The following MARCHF1 variants were observed in gnomAD, a reference collection of about 807,000 sequenced individuals.
The protein encoded by MARCHF1 is membrane associated ring-CH-type finger 1, also known as E3 ubiquitin-protein ligase MARCHF1.
In MARCHF1, 40 loss-of-function variants were observed where a neutral mutation model predicts 54.2. The observed-to-expected ratio is 0.74, with a 90% CI of 0.57 to 0.96. MARCHF1 has a LOEUF of 0.96. Among genes scored for constraint, MARCHF1 ranks in the 40% least tolerant of loss-of-function variants. MARCHF1 has a pLI of 0.00. For synonymous variants in MARCHF1, 236 were observed against 236.3 expected (o/e 1.00, Z 0.01); for missense variants, 586 against 656.5 (o/e 0.89, Z 1.17).
intron 3 of MARCHF1, among the ~76,000 whole-genome samples, chr4:163,889,644 T>C (rs764724569): frequency 2.0e-5 from 3 of 152,098 alleles, no homozygotes; most frequent in African/African-American, 4.8e-5. Context: ...TGCCTGAACA[T>C]CTCCTGCTTA....
chr4:164,324,543 A>T (rs1735223177), intron 1 of MARCHF1, among the ~76,000 whole-genome samples: 1 of 151,578 alleles, frequency 6.6e-6, no homozygotes, highest in Non-Finnish European at 1.5e-5. Context: ...AAAAATCTCT[A>T]TACTCAATGT....
chr4:164,174,872 T>C (rs1161492373), intron 1 of MARCHF1, among the ~76,000 whole-genome samples: 1 of 152,188 alleles, frequency 6.6e-6, no homozygotes, highest in East Asian at 1.9e-4. Context: ...AATTAGCTAA[T>C]TGTTCATCAT....
intron 1 of MARCHF1, among the ~76,000 whole-genome samples, chr4:164,150,826 T>C (rs13146899): frequency 0.17 from 26,345 of 152,276 alleles, 3,061 homozygotes; most frequent in Non-Finnish European, 0.26. Flanking sequence ...TCTAGAAATA[T>C]GTTACATAGC....
intron 5 of MARCHF1, among the ~76,000 whole-genome samples, chr4:163,615,984 C>T (rs1339762268): frequency 1.3e-5 from 2 of 152,154 alleles, no homozygotes; most frequent in Non-Finnish European, 2.9e-5. Context: ...AAAAGGACAT[C>T]TTAATGATGC....
At chr4:163,836,372 A>C (rs565204303) in intron 4 of MARCHF1, among the ~76,000 whole-genome samples, 66 of 149,908 alleles carry the variant, frequency 4.4e-4, no homozygotes, top group African/African-American at 1.6e-3. Context: ...CAGCCTCCTG[A>C]ATAGCTGGGA....
At chr4:163,936,726 T>G (rs1028795295) in intron 3 of MARCHF1, among the ~76,000 whole-genome samples, 1 of 152,212 alleles carries the variant, frequency 6.6e-6, no homozygotes, top group African/African-American at 2.4e-5. Flanking sequence ...AACTGCAGTT[T>G]GATTGTGTGA....
intron 1 of MARCHF1, among the ~76,000 whole-genome samples, chr4:164,324,419 A>T (rs753751220): frequency 6.6e-6 from 1 of 151,800 alleles, no homozygotes; most frequent in Non-Finnish European, 1.5e-5. Flanking sequence ...TCTAGTAAAT[A>T]TAATCAAAGA....
At chr4:164,281,049 C>G (rs1165947855) in intron 1 of MARCHF1, among the ~76,000 whole-genome samples, 1 of 152,084 alleles carries the variant, frequency 6.6e-6, no homozygotes, top group African/African-American at 2.4e-5. Flanking sequence ...TAAACCTGAA[C>G]ACTCAAAAAA....
intron 7 of MARCHF1, among the ~76,000 whole-genome samples, chr4:163,586,285 A>G (rs1413775602): frequency 6.6e-6 from 1 of 152,214 alleles, no homozygotes; most frequent in Non-Finnish European, 1.5e-5. Flanking sequence ...TACAAAGCGT[A>G]TATGAAACAT....
chr4:163,643,772 T>G (rs1409322721), intron 5 of MARCHF1, among the ~76,000 whole-genome samples: 3 of 152,148 alleles, frequency 2.0e-5, no homozygotes, highest in Non-Finnish European at 4.4e-5. Flanking sequence ...TTCCTTTATT[T>G]GAGGAGGAAA....
At chr4:164,003,285 A>C (rs1279133118) in intron 2 of MARCHF1, among the ~76,000 whole-genome samples, 2 of 152,028 alleles carry the variant, frequency 1.3e-5, no homozygotes, top group African/African-American at 4.8e-5. Flanking sequence ...AAAAAAAATA[A>C]AAACAAAAAG....
At chr4:164,133,342 A>G (rs1367574478) in intron 1 of MARCHF1, among the ~76,000 whole-genome samples, 1 of 152,154 alleles carries the variant, frequency 6.6e-6, no homozygotes, top group Non-Finnish European at 1.5e-5. Flanking sequence ...TGCGCAATGA[A>G]TCCATGTACT....
At chr4:163,743,114 T>C (rs987107255) in intron 4 of MARCHF1, among the ~76,000 whole-genome samples, 1 of 152,172 alleles carries the variant, frequency 6.6e-6, no homozygotes, top group Non-Finnish European at 1.5e-5. Context: ...TTGATTCCAA[T>C]TTTAGAAGAG....
rs996671984 is a variant in MARCHF1 at position 163,949,470 on chromosome 4, G to T, written c.-39+39031C>A. On this transcript the variant is annotated intron_variant, in intron 3 of 9. Coordinates refer to ENST00000514618, the MANE Select transcript of MARCHF1 (RefSeq NM_001394959.1). ...TTCTCTCCTTCTCGTCATCCACAAT[G>T]TGGTGAGAAAGGGGCCTGTGTCAGC... Among the ~76,000 whole-genome samples, 3 of 152,214 alleles carry T rather than the reference G, an allele frequency of 2.0e-5. No individual in the cohort carries two copies. The East Asian group carries it at 5.8e-4, about 29-fold the overall frequency.
intron 3 of MARCHF1, chr4:163,932,753 TA>T: frequency 1.8e-6 from 1 of 559,310 alleles, no homozygotes; most frequent in Non-Finnish European, 3.5e-6. Context: ...TGCAGCTGAT[TA>T]AGGACTACCA....
chr4:163,969,641 A>G (rs540463018), intron 3 of MARCHF1, among the ~76,000 whole-genome samples: 1 of 152,352 alleles, frequency 6.6e-6, no homozygotes, highest in African/African-American at 2.4e-5. Context: ...TGGATGGGCA[A>G]CAGATCAAAA....
intron 1 of MARCHF1, among the ~76,000 whole-genome samples, chr4:164,229,564 G>T (rs1029141957): frequency 2.6e-5 from 4 of 152,210 alleles, no homozygotes. Context: ...CACTGCAGGT[G>T]AGTTAGTCCT....
At chr4:163,846,156 A>G (rs957023337) in intron 4 of MARCHF1, among the ~76,000 whole-genome samples, 3 of 152,234 alleles carry the variant, frequency 2.0e-5, no homozygotes, top group Non-Finnish European at 4.4e-5. Flanking sequence ...ATTGAATAAG[A>G]AAGAATTAAA....
At chr4:163,691,175 G>A (rs1364180761) in intron 5 of MARCHF1, among the ~76,000 whole-genome samples, 1 of 152,180 alleles carries the variant, frequency 6.6e-6, no homozygotes, top group Non-Finnish European at 1.5e-5. Context: ...TCGAATTGTT[G>A]TATCAGGCCG....
Sources: gnomAD v4.1 joint callset for allele counts (sites outside exome capture counted in the v4.1 genomes callset) on GRCh38, gnomAD v4.1.1 for gene constraint, MANE v1.5 for transcripts, NCBI Gene and HGNC (gene_info 2026-07-23, HGNC 2026-07-21) for gene names.